Variants in CEP126 observed in about 807,000 individuals in gnomAD.
CEP126 encodes the protein centrosomal protein 126.
Under a neutral mutation model 107.8 loss-of-function variants are expected in CEP126, and 74 were observed. The ratio of observed to expected loss-of-function variants is 0.69; its 90% confidence interval spans 0.57 to 0.83. The LOEUF is 0.83. Among genes scored for constraint, CEP126 ranks in the 40% least tolerant of loss-of-function variants. The pLI is 0.00. For missense variants in CEP126, 1,237 were observed against 1,281.9 expected (o/e 0.96, Z 0.53); for synonymous variants, 449 against 446.0 (o/e 1.01, Z -0.08).
intron 9 of CEP126, among the ~76,000 whole-genome samples, chr11:101,989,593 A>G (rs916545643): frequency 6.6e-6 from 1 of 152,256 alleles, no homozygotes; most frequent in African/African-American, 2.4e-5. Flanking sequence ...GATAAGTGAC[A>G]AAAGTATAAC....
chr11:101,932,063 A>G (rs1401698278), intron 2 of CEP126, among the ~76,000 whole-genome samples: 1 of 152,242 alleles, frequency 6.6e-6, no homozygotes, highest in Non-Finnish European at 1.5e-5. Flanking sequence ...CAGGGTAAAT[A>G]GGAAGCAAAA....
chr11:101,969,312 C>T (rs189277944), intron 6 of CEP126, among the ~76,000 whole-genome samples: 1 of 152,202 alleles, frequency 6.6e-6, no homozygotes, highest in African/African-American at 2.4e-5. Context: ...TGAGCCACCA[C>T]ACCCAGCCAA....
intron 9 of CEP126, among the ~76,000 whole-genome samples, chr11:101,989,767 G>T (rs145221097): frequency 6.6e-6 from 1 of 152,234 alleles, no homozygotes; most frequent in African/African-American, 2.4e-5. Flanking sequence ...AGACCATCCT[G>T]ACTAACTCGG....
chr11:101,963,529 A>G lies in CEP126; in HGVS notation c.2494A>G (p.Ile832Val), dbSNP rs758463420. 2 of 1,613,388 alleles carry G rather than the reference A, an allele frequency of 1.2e-6. No individual in the cohort carries two copies. Among genetic ancestry groups the G allele is most frequent in the East Asian group, 2.2e-5 (1 of 44,876 alleles). The change falls in exon 6 of 11, where the codon ATT becomes GTT. Residue 832 changes from isoleucine (I) to valine (V), a missense_variant. This residue lies in a region of CEP126 where 1,134 missense variants were observed against 1,150.5 expected (regional missense o/e 0.99). Transcript: ENST00000263468. ...QPVTPENPQN[I>V]ITHNSFNSKH... is the part of the protein sequence containing the mutation. ...AGTAACTCCTGAAAATCCTCAAAAC[A>G]TTATTACACATAACTCTTTTAATTC...
At chr11:101,938,171 A>AAAAAAAAAAAAAAAAC (rs1307777067) in intron 2 of CEP126, among the ~76,000 whole-genome samples, 1 of 144,522 alleles carries the variant, frequency 6.9e-6, no homozygotes, top group African/African-American at 2.6e-5. Context: ...AAAAAAAAAA[A>AAAAAAAAAAAAAAAAC]AAAAATACAA....
At chr11:101,919,982 A>G (rs1940297918) in intron 1 of CEP126, among the ~76,000 whole-genome samples, 1 of 152,156 alleles carries the variant, frequency 6.6e-6, no homozygotes, top group Non-Finnish European at 1.5e-5. Context: ...TCAGAGAAAA[A>G]CAGTTTTTCT....
At chr11:101,975,330 C>T (rs1052667339) in intron 6 of CEP126, among the ~76,000 whole-genome samples, 9 of 152,138 alleles carry the variant, frequency 5.9e-5, no homozygotes. Flanking sequence ...CAGACGGTAT[C>T]ATACGTTGTG....
chr11:101,956,880 G>C (rs1376763696), intron 4 of CEP126: 1 of 371,440 alleles, frequency 2.7e-6, no homozygotes, highest in Non-Finnish European at 5.2e-6. Flanking sequence ...GAGAAGAGAA[G>C]AGAAGAAAGT....
chr11:101,990,827 A>G (rs1220377060), intron 9 of CEP126, among the ~76,000 whole-genome samples: 1 of 152,148 alleles, frequency 6.6e-6, no homozygotes, highest in African/African-American at 2.4e-5. Flanking sequence ...GGGACTCTCC[A>G]AGACCCCTGA....
chr11:101,915,147 G>T lies in CEP126; in HGVS notation c.-138G>T, dbSNP rs1940172347. ...CCGCTGCGCGGGAGCTAGGGCTGTCGAGGCCAACCCTTCCGCGCCCGTGAC... is the reference window on the plus strand; with the variant it reads ...CCGCTGCGCGGGAGCTAGGGCTGTCTAGGCCAACCCTTCCGCGCCCGTGAC... On this transcript the variant is annotated 5_prime_UTR_variant, in exon 1 of 11. Coordinates refer to ENST00000263468, the MANE Select transcript of CEP126 (RefSeq NM_020802.4). The T allele has an allele frequency of 1.5e-6, 2 of 1,341,084 alleles. No individual in the cohort carries two copies. Among genetic ancestry groups the T allele is most frequent in the Non-Finnish European group, 2.0e-6 (2 of 985,402 alleles). The allele number at this position is 1,341,084 out of a possible 1,614,324, so 83.1% of individuals were successfully genotyped here.
rs1370590294 is a variant in CEP126, at chr11:101,991,471, C to G, written c.3245-1307C>G. Among the ~76,000 whole-genome samples, 3 of 152,096 alleles carry G rather than the reference C, an allele frequency of 2.0e-5. 1 individual carries two copies. The highest frequency in any genetic ancestry group is 2.0e-4 in the Admixed American group (3 of 15,264). ...AAGATGACCAAGATGTTGGAACTAT[C>G]AGACAGTAATTTAAATAACTATGAC... is the stretch of plus-strand genomic sequence containing the variant. On this transcript the variant is annotated intron_variant, in intron 9 of 10. Coordinates refer to ENST00000263468, the MANE Select transcript of CEP126 (RefSeq NM_020802.4).
intron 6 of CEP126, among the ~76,000 whole-genome samples, chr11:101,971,683 C>T (rs962655316): frequency 3.7e-4 from 57 of 152,034 alleles, no homozygotes; most frequent in African/African-American, 1.4e-3. Flanking sequence ...AGCCATGGTG[C>T]CTGGCATACT....
At chr11:101,989,364 G>C (rs1210376252) in intron 9 of CEP126, among the ~76,000 whole-genome samples, 1 of 151,970 alleles carries the variant, frequency 6.6e-6, no homozygotes, top group Non-Finnish European at 1.5e-5. Flanking sequence ...AACATGTTTA[G>C]CAGCATCCCT....
At chr11:101,983,044 T>C (rs1023768491) in intron 8 of CEP126, among the ~76,000 whole-genome samples, 49 of 152,336 alleles carry the variant, frequency 3.2e-4, no homozygotes, top group Admixed American at 2.7e-3. Flanking sequence ...CATGTACCAA[T>C]GGCAGATTCC....
At chr11:101,931,560 C>A (rs1015680281) in intron 2 of CEP126, among the ~76,000 whole-genome samples, 2 of 151,798 alleles carry the variant, frequency 1.3e-5, no homozygotes, top group Non-Finnish European at 2.9e-5. Flanking sequence ...TATCCAACTG[C>A]CTTTTTTAAC....
intron 4 of CEP126, among the ~76,000 whole-genome samples, chr11:101,954,801 G>A (rs1488718090): frequency 6.6e-6 from 1 of 152,018 alleles, no homozygotes; most frequent in African/African-American, 2.4e-5. Flanking sequence ...TGTAAAATTT[G>A]AAATTCTATA....
chr11:101,922,497 A>G (rs1048461804), intron 1 of CEP126, 144 bp from the exon 2 acceptor site: 2 of 641,166 alleles, frequency 3.1e-6, no homozygotes, highest in Non-Finnish European at 5.3e-6. Context: ...TGCCAGTCAT[A>G]TACTAATGTG....
chr11:101,978,246 G>A, intron 6 of CEP126, 101 bp from the exon 7 acceptor site: 2 of 734,048 alleles, frequency 2.7e-6, no homozygotes, highest in South Asian at 1.7e-5. Context: ...TAAACTTACA[G>A]AGTTTTCTTG....
intron 10 of CEP126, among the ~76,000 whole-genome samples, chr11:101,994,397 C>T (rs899697899): frequency 2.0e-5 from 3 of 152,226 alleles, no homozygotes; most frequent in Admixed American, 2.0e-4. Flanking sequence ...TCAATGTTTG[C>T]TTTTGTTGCA....
Sources: gnomAD v4.1 joint callset for allele counts (sites outside exome capture counted in the v4.1 genomes callset) on GRCh38, gnomAD v4.1.1 for gene constraint, gnomAD v4.1.1 regional missense constraint, MANE v1.5 for transcripts, NCBI Gene and HGNC (gene_info 2026-07-23, HGNC 2026-07-21) for gene names.